RC3H1: variants seen among roughly 807,000 people sequenced by gnomAD.
RC3H1 encodes ring finger and CCCH-type domains 1, also known as roquin-1.
RC3H1 carries 50 observed loss-of-function variants against 138.2 expected under a neutral mutation model. The observed-to-expected ratio is 0.36, with a 90% CI of 0.29 to 0.46. The LOEUF (loss-of-function observed/expected upper bound fraction) is 0.46, where lower values mean the gene tolerates loss of function less well. Among genes scored for constraint, RC3H1 ranks in the 20% least tolerant of loss-of-function variants. The probability of loss-of-function intolerance (pLI) is 1.00; values close to 1 mark genes in which losing one functional copy is unlikely to be tolerated. For missense variants in RC3H1, 1,031 were observed against 1,388.1 expected (o/e 0.74, Z 4.09); for synonymous variants, 462 against 489.1 (o/e 0.94, Z 0.73).
intron 9 of RC3H1, among the ~76,000 whole-genome samples, chr1:173,968,800 A>G (rs935996898): frequency 2.0e-5 from 3 of 151,744 alleles, no homozygotes; most frequent in African/African-American, 7.3e-5. Context: ...GATTTATAAT[A>G]TAATTTATTA....
chr1:173,984,995 C>T (rs1381324032), intron 2 of RC3H1, among the ~76,000 whole-genome samples: 2 of 152,170 alleles, frequency 1.3e-5, no homozygotes, highest in Admixed American at 1.3e-4. Flanking sequence ...CATCCACCAA[C>T]CTTTGGAAAG....
At chr1:173,978,398 C>A in intron 7 of RC3H1, 90 bp downstream of exon 7, 1 of 1,420,952 alleles carries the variant, frequency 7.0e-7, no homozygotes, top group Non-Finnish European at 9.6e-7. Context: ...CTTTGGGAAA[C>A]CCTAGAGGAA....
intron 10 of RC3H1, 97 bp from the exon 11 acceptor site, chr1:173,964,284 T>C: frequency 1.0e-6 from 1 of 963,726 alleles, no homozygotes; most frequent in Admixed American, 2.2e-5. Flanking sequence ...GGAAACTCAC[T>C]TATTCTAATA....
chr1:173,942,648 C>T (rs1020899836), intron 18 of RC3H1, among the ~76,000 whole-genome samples: 4 of 151,222 alleles, frequency 2.6e-5, no homozygotes. Flanking sequence ...CTGGCTAACA[C>T]GGTGAAACCC....
intron 2 of RC3H1, among the ~76,000 whole-genome samples, chr1:173,984,844 G>C (rs1332787701): frequency 2.0e-5 from 3 of 152,044 alleles, no homozygotes; most frequent in African/African-American, 7.2e-5. Flanking sequence ...ACAACTGACT[G>C]GTTTAAAGTA....
intron 12 of RC3H1, 29 bp from the exon 13 acceptor site, chr1:173,961,273 A>G (rs1407592698): frequency 6.3e-7 from 1 of 1,587,988 alleles, no homozygotes; most frequent in East Asian, 2.2e-5. Context: ...GTTAAAATTG[A>G]AAGAGAATTT....
chr1:174,020,287 C>G (rs1273805958), intron 1 of RC3H1, among the ~76,000 whole-genome samples: 1 of 152,154 alleles, frequency 6.6e-6, no homozygotes, highest in Non-Finnish European at 1.5e-5. Context: ...TTATGCTAAG[C>G]ATAAAATGAA....
rs34983635 is a variant in RC3H1 at position 173,949,129 on chromosome 1, T to TGGG, written c.2524-1550_2524-1548dup. 6.0e-3 allele frequency among the ~76,000 whole-genome samples: 453 copies of TGGG among 75,686 alleles called. 10 individuals are homozygous for TGGG. Among genetic ancestry groups the TGGG allele is most frequent in the African/African-American group, 0.016 (435 of 26,558 alleles). 49.7% of individuals were successfully genotyped at this position (75,686 alleles called of 152,430 possible). On this transcript the variant is annotated intron_variant, in intron 14 of 19. Transcript: ENST00000367696. Reference sequence around the variant, plus strand: ...CTTCCTCTAAAACTCTCTATTTTTTTGGGGGGGGGGGTGGGGCTGGCATAT... The same window carrying TGGG: ...CTTCCTCTAAAACTCTCTATTTTTTTGGGGGGGGGGGGGGTGGGGCTGGCATAT...
chr1:173,948,767 G>T (rs993937743), intron 14 of RC3H1, among the ~76,000 whole-genome samples: 1 of 151,758 alleles, frequency 6.6e-6, no homozygotes, highest in African/African-American at 2.4e-5. Flanking sequence ...AAAAATTTTT[G>T]AAGAGATGGG....
At chr1:173,980,120 C>T (rs1660751075) in intron 6 of RC3H1, among the ~76,000 whole-genome samples, 1 of 151,410 alleles carries the variant, frequency 6.6e-6, no homozygotes, top group South Asian at 2.1e-4. Flanking sequence ...TCAAGCAATC[C>T]CCCCACCTTG....
chr1:174,016,511 G>T (rs1571245310), intron 1 of RC3H1, among the ~76,000 whole-genome samples: 1 of 140,084 alleles, frequency 7.1e-6, no homozygotes, highest in African/African-American at 2.7e-5. Context: ...CTCCTGCCTT[G>T]GCCTCCTAAA....
chr1:173,985,051 A>T (rs974659780), intron 2 of RC3H1, among the ~76,000 whole-genome samples: 6 of 152,198 alleles, frequency 3.9e-5, no homozygotes, highest in African/African-American at 1.4e-4. Flanking sequence ...CATTTCATAT[A>T]AGCAAAATCA....
At position 173,949,394 on chromosome 1, in the gene RC3H1, A is replaced by C. The variant is rs58199468; in HGVS notation, c.2524-1812T>G. 3.8e-3 allele frequency among the ~76,000 whole-genome samples: 562 copies of C among 149,480 alleles called. 4 individuals carry two copies. The highest frequency in any genetic ancestry group is 0.013 in the African/African-American group (546 of 40,576). ...TTCTTTTTTTTTTTTTCTGAGATGGAGTCTCACTCTGTTGTCTAGGCTGGA... is the reference window on the plus strand; with the variant it reads ...TTCTTTTTTTTTTTTTCTGAGATGGCGTCTCACTCTGTTGTCTAGGCTGGA... On this transcript the variant is annotated intron_variant, in intron 14 of 19. Transcript: ENST00000367696.
At position 173,946,489 on chromosome 1, in the gene RC3H1, A is replaced by G. The variant is rs1485537695; in HGVS notation, c.2948T>C (p.Leu983Pro). The G allele has an allele frequency of 6.2e-7, 1 of 1,613,982 alleles. No homozygotes were observed. The highest frequency in any genetic ancestry group is 8.5e-7 in the Non-Finnish European group (1 of 1,180,012). The change falls in exon 17 of 20, where the codon CTA (leucine) becomes CCA (proline). Residue 983 changes from leucine to proline, a missense_variant. By Grantham distance (98) the Leu-to-Pro change is moderately conservative. Coordinates refer to ENST00000367696, the MANE Select transcript of RC3H1 (RefSeq NM_172071.4). ...LNHQISQQTQLRGLEAVSNRL... is the reference protein window; with the variant it reads ...LNHQISQQTQPRGLEAVSNRL... ...CTAGGCTGGTACCTCTAGTCCACGT[A>G]GCTGGGTCTGCTGGCTAATCTGATG...
intron 1 of RC3H1, among the ~76,000 whole-genome samples, chr1:174,010,748 TA>T (rs879642887): frequency 3.9e-5 from 6 of 152,088 alleles, no homozygotes; most frequent in Non-Finnish European, 5.9e-5. Context: ...TGCCTTCCTC[TA>T]CCTTCCTCAC....
Position 173,964,917 on chromosome 1 carries a change from T to C in RC3H1, c.1538A>G (p.Asp513Gly). 1 of 1,614,118 alleles carries C rather than the reference T, an allele frequency of 6.2e-7. No homozygotes were observed. The highest frequency in any genetic ancestry group is 8.5e-7 in the Non-Finnish European group (1 of 1,180,014). ...TTTCAGACTAGAATCATAGCTGGGG[T>C]CTGTCCCTCGCGGAATAAGCTGTGT... ...TVTQLIPRGT[D>G]PSYDSSLKPG... Residue 513 changes from aspartate to glycine, a missense_variant, in exon 10 of 20, where the codon GAC (aspartate) becomes GGC (glycine). By Grantham distance (94) the Asp-to-Gly change is moderately conservative (BLOSUM62 -1). This residue lies in a region of RC3H1 where 716 missense variants were observed against 837.9 expected (regional missense o/e 0.85). Coordinates refer to ENST00000367696, the MANE Select transcript of RC3H1 (RefSeq NM_172071.4).
chr1:173,997,936 G>T (rs558156600), intron 1 of RC3H1, among the ~76,000 whole-genome samples: 1 of 152,062 alleles, frequency 6.6e-6, no homozygotes. Context: ...TTCTCTAAAC[G>T]CATTCTTCCA....
chr1:173,999,355 G>A (rs2103062594), intron 1 of RC3H1, among the ~76,000 whole-genome samples: 1 of 148,994 alleles, frequency 6.7e-6, no homozygotes, highest in South Asian at 2.1e-4. Context: ...ACTCCAGCCT[G>A]GGCAATGAGA....
chr1:174,012,717 G>A (rs1008481031), intron 1 of RC3H1, among the ~76,000 whole-genome samples: 6 of 151,366 alleles, frequency 4.0e-5, no homozygotes, highest in Admixed American at 1.3e-4. Flanking sequence ...CCAGGAGGCA[G>A]AGCTTGCAGT....
Sources: allele counts gnomAD v4.1 joint callset (sites outside exome capture counted in the v4.1 genomes callset), GRCh38; gene constraint gnomAD v4.1.1; regional missense constraint gnomAD v4.1.1; transcripts MANE v1.5; gene names NCBI Gene and HGNC (gene_info 2026-07-23, HGNC 2026-07-21).